VCL: variants seen among roughly 807,000 people sequenced by gnomAD.
VCL encodes the protein epididymis luminal protein 114.
A neutral mutation model predicts 125.7 loss-of-function variants in VCL; 47 were observed. The observed-to-expected ratio is 0.37, with a 90% CI of 0.30 to 0.48. The LOEUF is 0.48. VCL is among the 20% of genes least tolerant of loss of function. The pLI, the probability that VCL is intolerant of heterozygous loss-of-function variation, is 0.99. For missense variants in VCL, 1,069 were observed against 1,455.5 expected (o/e 0.73, Z 4.32); for synonymous variants, 458 against 514.6 (o/e 0.89, Z 1.49).
chr10:74,073,657 A>G (rs1839527990), intron 5 of VCL, among the ~76,000 whole-genome samples: 1 of 152,236 alleles, frequency 6.6e-6, no homozygotes, highest in Non-Finnish European at 1.5e-5. Context: ...TCAGTTCTTT[A>G]GTCACCAGCT....
chr10:74,063,601 A>G (rs1841513931), intron 2 of VCL: 1 of 152,202 alleles, frequency 6.6e-6, no homozygotes, highest in Non-Finnish European at 1.5e-5. Context: ...TCAACTTAGA[A>G]TTCTGTACTG....
intron 1 of VCL, among the ~76,000 whole-genome samples, chr10:74,019,759 A>G (rs369060357): frequency 6.6e-6 from 1 of 152,192 alleles, no homozygotes; most frequent in East Asian, 1.9e-4. Context: ...CAGTAAAGTA[A>G]ATGTTTTAAA....
intron 17 of VCL, 70 bp from the exon 18 acceptor site, chr10:74,108,901 G>A (rs753959906): frequency 1.9e-6 from 3 of 1,593,594 alleles, no homozygotes; most frequent in Non-Finnish European, 2.6e-6. Context: ...ATGCTTTTTA[G>A]AAGAAAGGAA....
Position 74,114,805 on chromosome 10 carries a change from G to A in VCL, c.3164G>A (p.Arg1055Gln), listed in dbSNP as rs878973480. Residue 1055 changes from arginine (R) to glutamine (Q), a missense_variant, in exon 21 of 22, where the codon CGA becomes CAA. Transcript: ENST00000211998. ...AAACTTTCTCTTTAGGTATGTGAGCGAATCCCAACCATAAGCACCCAGCTC... is the reference window on the plus strand; with the variant it reads ...AAACTTTCTCTTTAGGTATGTGAGCAAATCCCAACCATAAGCACCCAGCTC... ...IRTNLLQVCE[R>Q]IPTISTQLKI... 2 of 1,606,120 alleles carry A rather than the reference G, an allele frequency of 1.2e-6. No individual in the cohort carries two copies. Among genetic ancestry groups the A allele is most frequent in the Non-Finnish European group, 1.7e-6 (2 of 1,177,398 alleles).
chr10:74,008,337 G>A (rs1840357208), intron 1 of VCL, among the ~76,000 whole-genome samples: 1 of 152,138 alleles, frequency 6.6e-6, no homozygotes, highest in South Asian at 2.1e-4. Context: ...AAAGTGTTCA[G>A]GCTATTTTGG....
chr10:74,099,512 G>A (rs772178665), intron 13 of VCL, among the ~76,000 whole-genome samples: 8 of 152,042 alleles, frequency 5.3e-5, no homozygotes, highest in Admixed American at 3.9e-4. Flanking sequence ...ATCTGTTTTC[G>A]AGTGCTTTTT....
rs1440789619 is a variant in VCL at position 74,090,068 on chromosome 10, A to G, written c.1222A>G (p.Ile408Val). 6.2e-7 allele frequency: 1 copy of G among 1,614,188 alleles called. No homozygotes were observed. ...TGGTGGACCGGAAGGAGAAGAGCAG[A>G]TTCGAGGTGCTTTGGCTGAAGCTCG... ...PNGGPEGEEQ[I>V]RGALAEARKI... The change falls in exon 10 of 22, where the codon ATT becomes GTT. Residue 408 changes from isoleucine (I) to valine (V), a missense_variant. Physicochemically the swap from Ile to Val is conservative, Grantham distance 29. This residue lies in a region of VCL where 760 missense variants were observed against 928.9 expected (regional missense o/e 0.82). Transcript: ENST00000211998.
At chr10:74,015,686 T>C (rs1464630950) in intron 1 of VCL, among the ~76,000 whole-genome samples, 3 of 151,842 alleles carry the variant, frequency 2.0e-5, no homozygotes, top group African/African-American at 7.2e-5. Context: ...TTTTTCTTTC[T>C]TTTTCTTTTT....
chr10:74,006,897 A>G (rs1840331830), intron 1 of VCL, among the ~76,000 whole-genome samples: 1 of 152,210 alleles, frequency 6.6e-6, no homozygotes, highest in Non-Finnish European at 1.5e-5. Flanking sequence ...TTTAACCTGT[A>G]CTTATTTAAT....
intron 2 of VCL, among the ~76,000 whole-genome samples, chr10:74,050,762 T>C (rs1387745538): frequency 2.0e-5 from 3 of 152,080 alleles, no homozygotes; most frequent in African/African-American, 7.2e-5. Context: ...TCCTTTCCAC[T>C]GCTACAGTAT....
Position 74,094,339 on chromosome 10 carries a change from A to G in VCL, c.1421A>G (p.Gln474Arg). Residue 474 changes from glutamine to arginine, a missense_variant, in exon 11 of 22, where the codon CAG becomes CGG. Around this residue, in one of 6 missense-constraint regions of VCL, gnomAD observed 760 missense variants for 928.9 expected, o/e 0.82. Coordinates refer to ENST00000211998, the MANE Select transcript of VCL (RefSeq NM_014000.3). Reference protein sequence around the residue: ...KQVATALQNLQTKTNRAVANS... With the variant: ...KQVATALQNLRTKTNRAVANS... ...GTGGCCACGGCCCTGCAGAACCTGC[A>G]GACCAAAACCAACCGGGCTGTGGCC... 6.2e-7 allele frequency: 1 copy of G among 1,614,210 alleles called. No individual in the cohort carries two copies. The highest frequency in any genetic ancestry group is 1.1e-5 in the South Asian group (1 of 91,070).
At chr10:74,022,060 T>C (rs1388557082) in intron 1 of VCL, among the ~76,000 whole-genome samples, 1 of 152,158 alleles carries the variant, frequency 6.6e-6, no homozygotes, top group Non-Finnish European at 1.5e-5. Flanking sequence ...TTAAATTCCT[T>C]ATTCTAGCTC....
intron 2 of VCL, among the ~76,000 whole-genome samples, chr10:74,052,438 G>A (rs564041830): frequency 9.1e-4 from 130 of 142,156 alleles, no homozygotes; most frequent in Non-Finnish European, 1.6e-3. Flanking sequence ...GTGCAGTAGC[G>A]TGATCTCAGC....
chr10:74,057,825 C>T (rs1841414685), intron 2 of VCL, among the ~76,000 whole-genome samples: 1 of 152,018 alleles, frequency 6.6e-6, no homozygotes, highest in South Asian at 2.1e-4. Flanking sequence ...CCCAGTTACT[C>T]GGGAGGCTAA....
chr10:74,112,123 GCACCCC>G lies in VCL; in HGVS notation c.2949+14_2949+19del. Reference sequence around the variant, plus strand: ...AAGTGGTCTAGTAAGGTACTGATAAGCACCCCCAGTTGGGGGCTGCTCCATATGCAT... The same window carrying G: ...AAGTGGTCTAGTAAGGTACTGATAAGCAGTTGGGGGCTGCTCCATATGCAT... On this transcript the variant is annotated intron_variant, in intron 19 of 21. Coordinates refer to ENST00000211998, the MANE Select transcript of VCL (RefSeq NM_014000.3). 3 of 1,614,154 alleles carry G rather than the reference GCACCCC, an allele frequency of 1.9e-6. No individual in the cohort carries two copies. The highest frequency in any genetic ancestry group is 2.5e-6 in the Non-Finnish European group (3 of 1,180,018).
chr10:74,034,946 GCTAA>G (rs1483249454), intron 1 of VCL, among the ~76,000 whole-genome samples: 1 of 152,212 alleles, frequency 6.6e-6, no homozygotes, highest in African/African-American at 2.4e-5. Flanking sequence ...GATTGATCAG[GCTAA>G]CTGTTATGCC....
intron 1 of VCL, among the ~76,000 whole-genome samples, chr10:74,007,597 G>A (rs1398288529): frequency 1.3e-5 from 2 of 152,168 alleles, no homozygotes; most frequent in African/African-American, 2.4e-5. Flanking sequence ...CCGGGTTCAA[G>A]TGATTCTCCT....
At chr10:74,001,177 T>C (rs989083427) in intron 1 of VCL, among the ~76,000 whole-genome samples, 5 of 152,116 alleles carry the variant, frequency 3.3e-5, no homozygotes, top group African/African-American at 1.2e-4. Flanking sequence ...CGTGTGAGAA[T>C]AGTATAGTGT....
chr10:74,066,921 GCC>G (rs2136270301), intron 2 of VCL, among the ~76,000 whole-genome samples: 1 of 152,204 alleles, frequency 6.6e-6, no homozygotes, highest in African/African-American at 2.4e-5. Flanking sequence ...GCCCACCTTG[GCC>G]TCCCAAAGTG....
Sources: allele counts gnomAD v4.1 joint callset (sites outside exome capture counted in the v4.1 genomes callset), GRCh38; gene constraint gnomAD v4.1.1; regional missense constraint gnomAD v4.1.1; transcripts MANE v1.5; gene names NCBI Gene and HGNC (gene_info 2026-07-23, HGNC 2026-07-21).